The following MAGEC2 variants were observed in gnomAD, a reference collection of about 807,000 sequenced individuals.
The protein encoded by MAGEC2 is MAGE family member C2.
For synonymous variants in MAGEC2, 127 were observed against 115.1 expected (o/e 1.10, Z -0.66); for missense variants, 332 against 282.3 (o/e 1.18, Z -1.26).
At position 142,202,884 on chromosome X, in the gene MAGEC2, G is replaced by A. The variant is rs967396117; in HGVS notation, c.1104C>T (p.Asn368=). Residue 368 remains asparagine (N), a synonymous_variant, in exon 3 of 3, where the codon AAC becomes AAT. Transcript: ENST00000247452. ...CTAGACTTCACTCAGAAAAGGAGAC[G>A]TTGCTGGACATGACACTGAGGCTTT... ...ASESLSVMSS[N]VSFSE 5.0e-6 allele frequency: 6 copies of A among 1,209,078 alleles called. No homozygotes were observed. Among genetic ancestry groups the A allele is most frequent in the Middle Eastern group, 2.3e-4 (1 of 4,321 alleles).
rs753505738 is a variant in MAGEC2, at chrX:142,203,916, G to C, written c.72C>G (p.Asp24Glu). 1.7e-6 allele frequency: 2 copies of C among 1,181,587 alleles called. No homozygotes were observed. The highest frequency in any genetic ancestry group is 6.0e-5 in the East Asian group (2 of 33,569). Residue 24 changes from aspartate to glutamate, a missense_variant, in exon 3 of 3, where the codon GAC becomes GAG. By Grantham distance (45) the Asp-to-Glu change is conservative (BLOSUM62 2). Coordinates refer to ENST00000247452, the MANE Select transcript of MAGEC2 (RefSeq NM_016249.4). ...NDSPTSVELE[D>E]WVDAQHPTDE... ...CTGTGGGATGCTGTGCATCTACCCA[G>C]TCTTCTAACTCAACTGAGGTCGGGG...
chrX:142,203,814 G>T lies in MAGEC2; in HGVS notation c.174C>A (p.Ser58=). 1.7e-6 allele frequency: 2 copies of T among 1,199,725 alleles called. No homozygotes were observed. The highest frequency in any genetic ancestry group is 2.2e-6 in the Non-Finnish European group (2 of 890,957). ...LVFSPSSFST[S]SSLILGGPEE... The stretch of plus-strand genomic sequence containing the variant: ...CAGGACCACCAAGAATCAGAGAAGA[G>T]GATGTGGAGAAAGAAGAGGGGGAAA... Residue 58 remains serine (S), a synonymous_variant, in exon 3 of 3, where the codon TCC becomes TCA. Coordinates refer to ENST00000247452, the MANE Select transcript of MAGEC2 (RefSeq NM_016249.4).
rs1931204187 is a variant in MAGEC2 at position 142,204,412 on chromosome X, G to T, written c.-117C>A. 1 of 238,793 alleles carries T rather than the reference G, an allele frequency of 4.2e-6. No individual in the cohort carries two copies. The highest frequency in any genetic ancestry group is 7.5e-6 in the Non-Finnish European group (1 of 134,200). The allele number at this position is 238,793 out of a possible 1,213,427, so 19.7% of individuals were successfully genotyped here. A position where few individuals can be genotyped will look rare whatever the true frequency, so the allele number is the denominator to read the frequency against. On this transcript the variant is annotated 5_prime_UTR_variant, in exon 2 of 3. Transcript: ENST00000247452. ...TCCTCTGCTGTGCTGACTTTAGGCT[G>T]TGTGCCTCACACCCAGTTCGTCACC...
rs375065519 is a variant in MAGEC2 at position 142,203,066 on chromosome X, C to T, written c.922G>A (p.Glu308Lys). Residue 308 changes from glutamate (E) to lysine (K), a missense_variant, in exon 3 of 3, where the codon GAA (glutamate) becomes AAA (lysine). Transcript: ENST00000247452. ...EFLWGPRAHS[E>K]SIKKKVLEFL... The stretch of plus-strand genomic sequence containing the variant: ...TCTAGTACTTTCTTCTTGATGCTTT[C>T]TGAATGGGCTCTCGGACCCCACAGG... 2 of 1,209,347 alleles carry T rather than the reference C, an allele frequency of 1.7e-6. No homozygotes were observed. The highest frequency in any genetic ancestry group is 3.5e-5 in the African/African-American group (2 of 57,025).
intron 2 of MAGEC2, 105 bp downstream of exon 2, chrX:142,204,257 C>T (rs1423038652): frequency 7.2e-5 from 36 of 499,194 alleles, no homozygotes; most frequent in Non-Finnish European, 9.6e-5. Flanking sequence ...GCAGGCAGAG[C>T]CTGAGACCCC....
chrX:142,203,088 C>T lies in MAGEC2; in HGVS notation c.900G>A (p.Leu300=). ...PHSSPPYYEF[L]WGPRAHSESI... is the part of the protein sequence containing the mutation. Reference sequence around the variant, plus strand: ...TTTCTGAATGGGCTCTCGGACCCCACAGGAATTCATAATATGGAGGAGAAC... The same window carrying T: ...TTTCTGAATGGGCTCTCGGACCCCATAGGAATTCATAATATGGAGGAGAAC... The change falls in exon 3 of 3, where the codon CTG becomes CTA. Residue 300 remains leucine, a synonymous_variant. Transcript: ENST00000247452. The T allele has an allele frequency of 8.3e-7, 1 of 1,211,684 alleles. No homozygotes were observed. The highest frequency in any genetic ancestry group is 1.1e-6 in the Non-Finnish European group (1 of 895,423).
Position 142,202,813 on chromosome X carries a change from C to T in MAGEC2, c.*53G>A. On this transcript the variant is annotated 3_prime_UTR_variant, in exon 3 of 3. Coordinates refer to ENST00000247452, the MANE Select transcript of MAGEC2 (RefSeq NM_016249.4). Reference sequence around the variant, plus strand: ...CGAGCCCCACCTGGCCCTCCACTACCTAGAACCTAAACTGCCCTGTTCAAA... The same window carrying T: ...CGAGCCCCACCTGGCCCTCCACTACTTAGAACCTAAACTGCCCTGTTCAAA... 1.7e-6 allele frequency: 2 copies of T among 1,155,201 alleles called. No individual in the cohort carries two copies. Among genetic ancestry groups the T allele is most frequent in the South Asian group, 4.1e-5 (2 of 49,076 alleles).
At position 142,203,220 on chromosome X, in the gene MAGEC2, T is replaced by C; in HGVS notation, c.768A>G (p.Val256=). The C allele has an allele frequency of 8.3e-7, 1 of 1,211,426 alleles. No homozygotes were observed. Among genetic ancestry groups the C allele is most frequent in the Non-Finnish European group, 1.1e-6 (1 of 895,404 alleles). ...EEVIWEVLNA[V]GVYAGREHFV... ...AGTGCTCCCTCCCAGCATATACCCC[T>C]ACTGCATTCAGCACTTCCCAGATGA... The change falls in exon 3 of 3, where the codon GTA becomes GTG. Residue 256 remains valine (V), a synonymous_variant. Coordinates refer to ENST00000247452, the MANE Select transcript of MAGEC2 (RefSeq NM_016249.4).
At chrX:142,204,279 T>C (rs1931202216) in intron 2 of MAGEC2, 83 bp downstream of exon 2, 3 of 452,472 alleles carry the variant, frequency 6.6e-6, no homozygotes, top group Non-Finnish European at 7.7e-6. Flanking sequence ...GGAGTGACAA[T>C]AGGTGGGTAG....
intron 1 of MAGEC2, among the ~76,000 whole-genome samples, chrX:142,204,758 G>C (rs776888855): frequency 3.6e-5 from 4 of 111,459 alleles, no homozygotes; most frequent in Admixed American, 9.4e-5. Context: ...CCTCACGTCC[G>C]TTCTGATGCA....
intron 1 of MAGEC2, 39 bp downstream of exon 1, chrX:142,205,064 C>G (rs1254843841): frequency 9.0e-6 from 1 of 111,534 alleles, no homozygotes; most frequent in Non-Finnish European, 1.9e-5. Flanking sequence ...CCGGCACCTC[C>G]TCCCTTCTTC....
rs778766259 is a variant in MAGEC2 at position 142,203,937 on chromosome X, C to G, written c.51G>C (p.Pro17=). 18 of 1,176,615 alleles carry G rather than the reference C, an allele frequency of 1.5e-5. No homozygotes were observed. Among genetic ancestry groups the G allele is most frequent in the Admixed American group, 2.5e-5 (1 of 40,759 alleles). Reference sequence around the variant, plus strand: ...CCCAGTCTTCTAACTCAACTGAGGTCGGGGAGTCGTTGTCAACGTTGCGGA... The same window carrying G: ...CCCAGTCTTCTAACTCAACTGAGGTGGGGGAGTCGTTGTCAACGTTGCGGA... ...VPFRNVDNDS[P]TSVELEDWVD... is the part of the protein sequence containing the mutation. The change falls in exon 3 of 3, where the codon CCG becomes CCC. Residue 17 remains proline, a synonymous_variant. Coordinates refer to ENST00000247452, the MANE Select transcript of MAGEC2 (RefSeq NM_016249.4).
At position 142,203,295 on chromosome X, in the gene MAGEC2, A is replaced by C. The variant is rs1215484353; in HGVS notation, c.693T>G (p.Ile231Met). The change falls in exon 3 of 3, where the codon ATT (isoleucine) becomes ATG (methionine). Residue 231 changes from isoleucine to methionine, a missense_variant. Transcript: ENST00000247452. ...TTATGAAGATCACACTCAGAATAAT[A>C]ATCAGGAGGCTGTTCTCGGGCATGC... ...DEGMPENSLL[I>M]IILSVIFIKG... The C allele has an allele frequency of 4.1e-6, 5 of 1,209,153 alleles. No homozygotes were observed. The highest frequency in any genetic ancestry group is 3.0e-5 in the East Asian group (1 of 33,688).
intron 1 of MAGEC2, among the ~76,000 whole-genome samples, chrX:142,204,889 G>A (rs766005003): frequency 1.8e-5 from 2 of 111,469 alleles, no homozygotes; most frequent in Non-Finnish European, 3.8e-5. Context: ...CCTCCCCTAC[G>A]CCACTCACCC....
rs776837930 is a variant in MAGEC2, at chrX:142,203,843, C to G, written c.145G>C (p.Val49Leu). 8.3e-7 allele frequency: 1 copy of G among 1,201,778 alleles called. No individual in the cohort carries two copies. ...ASSASSTLYL[V>L]FSPSSFSTSS... ...GTGGAGAAAGAAGAGGGGGAAAATA[C>G]TAAGTACAAAGTGGAAGAGGCGGAG... Residue 49 changes from valine (V) to leucine (L), a missense_variant, in exon 3 of 3, where the codon GTA becomes CTA. Physicochemically the swap from Val to Leu is conservative, Grantham distance 32 (BLOSUM62 1). Transcript: ENST00000247452.
chrX:142,202,816 G>A lies in MAGEC2; in HGVS notation c.*50C>T. ...GCCCCACCTGGCCCTCCACTACCTA[G>A]AACCTAAACTGCCCTGTTCAAACAC... On this transcript the variant is annotated 3_prime_UTR_variant, in exon 3 of 3. Transcript: ENST00000247452. The A allele has an allele frequency of 8.6e-7, 1 of 1,156,638 alleles. No homozygotes were observed. The highest frequency in any genetic ancestry group is 1.2e-6 in the Non-Finnish European group (1 of 865,321).
chrX:142,202,835 C>G lies in MAGEC2; in HGVS notation c.*31G>C. The G allele has an allele frequency of 1.7e-6, 2 of 1,184,375 alleles. No homozygotes were observed. Among genetic ancestry groups the G allele is most frequent in the Non-Finnish European group, 2.3e-6 (2 of 881,333 alleles). ...TACCTAGAACCTAAACTGCCCTGTT[C>G]AAACACAAGGGGAAGAAACTATCCT... On this transcript the variant is annotated 3_prime_UTR_variant, in exon 3 of 3. Transcript: ENST00000247452.
rs1931155699 is a variant in MAGEC2, at chrX:142,202,572, A to AAT, written c.*292_*293dup. On this transcript the variant is annotated 3_prime_UTR_variant, in exon 3 of 3. Coordinates refer to ENST00000247452, the MANE Select transcript of MAGEC2 (RefSeq NM_016249.4). ...CACACTACCCTGTTACAGATCACAA[A>AAT]ATAAGGGAGAAGGTATTTCCATTTT... is the stretch of plus-strand genomic sequence containing the variant. 2 of 268,077 alleles carry AAT rather than the reference A, an allele frequency of 7.5e-6. No individual in the cohort carries two copies. The highest frequency in any genetic ancestry group is 5.8e-5 in the East Asian group (1 of 17,193). The allele number at this position is 268,077 out of a possible 1,213,427, so 22.1% of individuals were successfully genotyped here.
Position 142,202,937 on chromosome X carries a change from C to T in MAGEC2, c.1051G>A (p.Ala351Thr), listed in dbSNP as rs748232460. ...EERVQATIDTADDATVMASES... is the reference protein window; with the variant it reads ...EERVQATIDTTDDATVMASES... ...CTGGCCATGACAGTGGCATCATCTG[C>T]GGTATCAATTGTGGCCTGGACTCTC... Residue 351 changes from alanine (A) to threonine (T), a missense_variant, in exon 3 of 3, where the codon GCA becomes ACA. Transcript: ENST00000247452. The T allele has an allele frequency of 2.3e-5, 28 of 1,209,415 alleles. No individual in the cohort carries two copies. The highest frequency in any genetic ancestry group is 2.8e-5 in the Non-Finnish European group (25 of 894,808).
Sources: allele counts gnomAD v4.1 joint callset (sites outside exome capture counted in the v4.1 genomes callset), GRCh38; gene constraint gnomAD v4.1.1; transcripts MANE v1.5; gene names NCBI Gene and HGNC (gene_info 2026-07-23, HGNC 2026-07-21).